Variants in CTNNA3 observed in about 807,000 individuals in gnomAD.
The protein encoded by CTNNA3 is catenin alpha-3.
In CTNNA3, 76 loss-of-function variants were observed where a neutral mutation model predicts 95.7. The observed-to-expected ratio is 0.79, with a 90% CI of 0.66 to 0.96. CTNNA3 has a LOEUF of 0.96. Ranked by LOEUF, CTNNA3 falls within the 40% of genes least tolerant of loss-of-function variation. The pLI, the probability that CTNNA3 is intolerant of heterozygous loss-of-function variation, is 0.00. For synonymous variants in CTNNA3, 431 were observed against 374.4 expected, an observed-to-expected ratio of 1.15 and a Z score of -1.74; for missense variants, 1,191 against 1,089.8, an observed-to-expected ratio of 1.09 and a Z score of -1.31.
At chr10:67,580,432 C>T (rs867716185) in intron 3 of CTNNA3, among the ~76,000 whole-genome samples, 3 of 151,444 alleles carry the variant, frequency 2.0e-5, no homozygotes, top group Non-Finnish European at 4.4e-5. Flanking sequence ...TGTTTTGGTA[C>T]CAGTACCATG....
chr10:67,628,403 A>C (rs978869034), intron 2 of CTNNA3, among the ~76,000 whole-genome samples: 1 of 152,238 alleles, frequency 6.6e-6, no homozygotes, highest in African/African-American at 2.4e-5. Flanking sequence ...CAGCTAAATG[A>C]ATGACTTTAT....
At chr10:66,694,325 T>G (rs1196511315) in intron 9 of CTNNA3, among the ~76,000 whole-genome samples, 1 of 152,082 alleles carries the variant, frequency 6.6e-6, no homozygotes, top group Non-Finnish European at 1.5e-5. Context: ...CAGAGAATAC[T>G]ACAAACACCT....
At chr10:66,962,104 G>A (rs531589358) in intron 7 of CTNNA3, among the ~76,000 whole-genome samples, 1 of 151,968 alleles carries the variant, frequency 6.6e-6, no homozygotes, top group East Asian at 1.9e-4. Flanking sequence ...TCAAAATGTG[G>A]GCTAGAGTGA....
intron 13 of CTNNA3, among the ~76,000 whole-genome samples, chr10:66,261,196 C>G (rs529825311): frequency 6.6e-6 from 1 of 152,158 alleles, no homozygotes; most frequent in Admixed American, 6.6e-5. Flanking sequence ...ACTTGATCTT[C>G]TCAGCTTCTG....
intron 10 of CTNNA3, among the ~76,000 whole-genome samples, chr10:66,552,468 T>A (rs572048882): frequency 1.4e-4 from 21 of 152,234 alleles, no homozygotes; most frequent in African/African-American, 5.1e-4. Context: ...AAGTCTGTAC[T>A]CTCCTCCAAA....
At chr10:67,437,762 G>A (rs1040244049) in intron 5 of CTNNA3, among the ~76,000 whole-genome samples, 1 of 151,626 alleles carries the variant, frequency 6.6e-6, no homozygotes, top group Non-Finnish European at 1.5e-5. Flanking sequence ...AATGAAAATA[G>A]GAAAAAAGAG....
At chr10:66,515,106 CA>C (rs959616263) in intron 11 of CTNNA3, among the ~76,000 whole-genome samples, 30 of 151,872 alleles carry the variant, frequency 2.0e-4, no homozygotes, top group Admixed American at 1.4e-3. Flanking sequence ...GTGGTAATAA[CA>C]AAAAAATAGT....
At chr10:66,492,442 C>A (rs911171563) in intron 11 of CTNNA3, among the ~76,000 whole-genome samples, 2 of 132,300 alleles carry the variant, frequency 1.5e-5, no homozygotes, top group Admixed American at 8.3e-5. Flanking sequence ...CGCCACAAGG[C>A]CCAGCTAATT....
chr10:66,421,876 T>C (rs564727381), intron 11 of CTNNA3, among the ~76,000 whole-genome samples: 1 of 96,884 alleles, frequency 1.0e-5, no homozygotes, highest in Non-Finnish European at 2.2e-5. Flanking sequence ...TTTAAATTTC[T>C]AAGAGCTTCA....
intron 12 of CTNNA3, among the ~76,000 whole-genome samples, chr10:66,346,908 T>C (rs1307512840): frequency 6.6e-6 from 1 of 151,930 alleles, no homozygotes; most frequent in South Asian, 2.1e-4. Context: ...AGAATCTTGA[T>C]TATACTTGGG....
At chr10:66,103,074 T>C in intron 14 of CTNNA3, 83 bp downstream of exon 14, 2 of 1,114,448 alleles carry the variant, frequency 1.8e-6, no homozygotes, top group Non-Finnish European at 2.8e-6. Context: ...TCCCACCCAT[T>C]AGAGGCTGCC....
intron 15 of CTNNA3, among the ~76,000 whole-genome samples, chr10:66,018,174 G>C (rs1000859406): frequency 2.6e-5 from 2 of 76,382 alleles, no homozygotes; most frequent in Admixed American, 1.4e-4. Flanking sequence ...TCTATATGAG[G>C]ATACAGCTCA....
rs1456832837 is a variant in CTNNA3 at position 67,303,942 on chromosome 10, T to G, written c.580-84072A>C. On this transcript the variant is annotated intron_variant, in intron 5 of 17. Coordinates refer to ENST00000433211, the MANE Select transcript of CTNNA3 (RefSeq NM_013266.4). The stretch of plus-strand genomic sequence containing the variant: ...CACAAGCTACAACCTACTGACTTAC[T>G]TAATTCCTTTCTCTTTTATAAGCTA... 2.6e-5 allele frequency among the ~76,000 whole-genome samples: 4 copies of G among 152,184 alleles called. No homozygotes were observed. In the East Asian group the frequency reaches 7.7e-4, roughly 29 times the overall value.
chr10:67,719,956 A>G (rs1483335175), intron 1 of CTNNA3, among the ~76,000 whole-genome samples: 1 of 151,784 alleles, frequency 6.6e-6, no homozygotes. Context: ...TAGGTCTCTA[A>G]GAACTTGCTT....
intron 2 of CTNNA3, among the ~76,000 whole-genome samples, chr10:67,633,087 G>A (rs1261516560): frequency 6.6e-6 from 1 of 152,002 alleles, no homozygotes; most frequent in Admixed American, 6.6e-5. Flanking sequence ...AAGGGTCCCC[G>A]ACAATAGCAC....
At chr10:66,564,349 C>A (rs781048714) in intron 10 of CTNNA3, among the ~76,000 whole-genome samples, 3 of 152,108 alleles carry the variant, frequency 2.0e-5, no homozygotes, top group Non-Finnish European at 2.9e-5. Context: ...GCCAGACTAC[C>A]AGGAAAGGCT....
At chr10:66,463,774 C>T (rs2093545211) in intron 11 of CTNNA3, among the ~76,000 whole-genome samples, 1 of 151,858 alleles carries the variant, frequency 6.6e-6, no homozygotes, top group African/African-American at 2.4e-5. Flanking sequence ...GCAGCCTCGT[C>T]AAAAATAGGT....
chr10:67,291,562 A>G (rs1308672461), intron 5 of CTNNA3, among the ~76,000 whole-genome samples: 1 of 152,154 alleles, frequency 6.6e-6, no homozygotes, highest in Non-Finnish European at 1.5e-5. Flanking sequence ...GCTCATGTAC[A>G]TCTACCATTG....
chr10:67,115,141 A>G (rs1253708826), intron 7 of CTNNA3, among the ~76,000 whole-genome samples: 1 of 152,130 alleles, frequency 6.6e-6, no homozygotes. Flanking sequence ...GACTAACTTC[A>G]AGATTATGTC....
Sources: gnomAD v4.1 joint callset for allele counts (sites outside exome capture counted in the v4.1 genomes callset) on GRCh38, gnomAD v4.1.1 for gene constraint, MANE v1.5 for transcripts, NCBI Gene and HGNC (gene_info 2026-07-23, HGNC 2026-07-21) for gene names.